Variants in ARHGEF19 observed in about 807,000 individuals in gnomAD.
ARHGEF19 encodes Rho guanine nucleotide exchange factor 19.
ARHGEF19 carries 92 observed loss-of-function variants against 87.6 expected under a neutral mutation model. The ratio of observed to expected loss-of-function variants is 1.05; its 90% CI spans 0.89 to 1.25. ARHGEF19 has a LOEUF of 1.25. Among genes scored for constraint, ARHGEF19 ranks in the 50% most tolerant of loss-of-function variants. ARHGEF19 has a pLI of 0.00. For missense variants in ARHGEF19, 1,054 were observed against 1,051.8 expected (o/e 1.00, Z -0.03); for synonymous variants, 438 against 446.2 (o/e 0.98, Z 0.23).
Position 16,206,983 on chromosome 1 carries a change from C to T in ARHGEF19, c.1102G>A (p.Ala368Thr), listed in dbSNP as rs1464983206. Residue 368 changes from alanine to threonine, a missense_variant, in exon 6 of 16, where the codon GCC (alanine) becomes ACC (threonine). Physicochemically the swap from Ala to Thr is moderately conservative, Grantham distance 58 (BLOSUM62 0). Coordinates refer to ENST00000270747, the MANE Select transcript of ARHGEF19 (RefSeq NM_153213.5). This position sits in a 1 kb window ranked among gnomAD's most constrained non-coding sequence, Gnocchi z 4.6. Reference sequence around the variant, plus strand: ...TTGCAGTCCCGCAGGCTCAGCGTGGCCAGGACGCCGCTGCCGCGTACGTCG... The same window carrying T: ...TTGCAGTCCCGCAGGCTCAGCGTGGTCAGGACGCCGCTGCCGCGTACGTCG... ...IPDVRGSGVL[A>T]TLSLRDCKLQ... 1.3e-6 allele frequency: 2 copies of T among 1,513,844 alleles called. No individual in the cohort carries two copies. Among genetic ancestry groups the T allele is most frequent in the East Asian group, 2.7e-5 (1 of 36,762 alleles). 93.8% of individuals were successfully genotyped at this position (1,513,844 alleles called of 1,614,324 possible). A position where few individuals can be genotyped will look rare whatever the true frequency, so the allele number is the denominator to read the frequency against.
At position 16,206,814 on chromosome 1, in the gene ARHGEF19, C is replaced by T; in HGVS notation, c.1137+134G>A. The T allele has an allele frequency of 8.4e-7, 1 of 1,196,028 alleles. No homozygotes were observed. The highest frequency in any genetic ancestry group is 1.1e-6 in the Non-Finnish European group (1 of 909,338). The allele number at this position is 1,196,028 out of a possible 1,614,324, so 74.1% of individuals were successfully genotyped here. The stretch of plus-strand genomic sequence containing the variant: ...TCGTGTAGTCAGGTCCTAGAGCCAA[C>T]CTTCCGCGCGGACAGTCGCGCCAGC... On this transcript the variant is annotated intron_variant, in intron 6 of 15. Transcript: ENST00000270747. This position sits in a 1 kb window ranked among gnomAD's most constrained non-coding sequence, Gnocchi z 4.6.
At chr1:16,199,478 T>A (rs2081067301) in intron 14 of ARHGEF19, among the ~76,000 whole-genome samples, 1 of 152,072 alleles carries the variant, frequency 6.6e-6, no homozygotes, top group African/African-American at 2.4e-5. Context: ...AAGTGCAGGA[T>A]TAATCCAGTC....
rs1168038897 is a variant in ARHGEF19, at chr1:16,207,789, G to C, written c.695-12C>G. 6.2e-7 allele frequency: 1 copy of C among 1,613,036 alleles called. No homozygotes were observed. Among genetic ancestry groups the C allele is most frequent in the Non-Finnish European group, 8.5e-7 (1 of 1,179,890 alleles). ...TCCAGATGCTTTCCCTGGAGAGGGC[G>C]AGAACTGAGGGTGGGGGGTCCAGAG... On this transcript the variant is annotated splice_polypyrimidine_tract_variant and intron_variant, in intron 3 of 15. Transcript: ENST00000270747. This position sits in a 1 kb window ranked among gnomAD's most constrained non-coding sequence, Gnocchi z 4.0.
rs2081159745 is a variant in ARHGEF19 at position 16,207,842 on chromosome 1, C to T, written c.695-65G>A. ...TGGGCCTGGGGCCTGGGCCCCGGCC[C>T]AGGCACCCTGACGGCCTCAGGCGGC... On this transcript the variant is annotated intron_variant, in intron 3 of 15. Transcript: ENST00000270747. The surrounding 1 kb of genome is among the most constrained non-coding windows in gnomAD (Gnocchi z 4.0). The T allele has an allele frequency of 3.1e-6, 5 of 1,588,324 alleles. No homozygotes were observed. The highest frequency in any genetic ancestry group is 2.3e-4 in the Middle Eastern group (1 of 4,380).
chr1:16,205,218 C>G lies in ARHGEF19; in HGVS notation c.1657-42G>C. 6.3e-7 allele frequency: 1 copy of G among 1,591,124 alleles called. No homozygotes were observed. Among genetic ancestry groups the G allele is most frequent in the Non-Finnish European group, 8.6e-7 (1 of 1,167,508 alleles). On this transcript the variant is annotated intron_variant, in intron 10 of 15. Transcript: ENST00000270747. This position sits in a 1 kb window ranked among gnomAD's most constrained non-coding sequence, Gnocchi z 5.8. ...GAGGTCACCTGCAGCCCCTCAGCTC[C>G]GGCTCCCAGAGCCCAGCCTCAGACT...
chr1:16,205,252 G>A lies in ARHGEF19; in HGVS notation c.1657-76C>T. 3 of 1,599,490 alleles carry A rather than the reference G, an allele frequency of 1.9e-6. No individual in the cohort carries two copies. The highest frequency in any genetic ancestry group is 2.6e-6 in the Non-Finnish European group (3 of 1,170,850). ...GAGCCCAGCCTCAGACTCTTGCCTG[G>A]GGACCGGAGACTCTGACAGCTGGGG... On this transcript the variant is annotated intron_variant, in intron 10 of 15. Transcript: ENST00000270747. The surrounding 1 kb of genome is among the most constrained non-coding windows in gnomAD (Gnocchi z 5.8).
intron 15 of ARHGEF19, 41 bp downstream of exon 15, chr1:16,199,109 C>G: frequency 1.2e-6 from 2 of 1,602,230 alleles, no homozygotes; most frequent in Non-Finnish European, 1.7e-6. Context: ...TCCTGCCCAC[C>G]CAAGCCCCAT....
chr1:16,205,428 G>A lies in ARHGEF19; in HGVS notation c.1582-3C>T. On this transcript the variant is annotated splice_polypyrimidine_tract_variant and splice_region_variant and intron_variant, in intron 9 of 15. Transcript: ENST00000270747. The surrounding 1 kb of genome is among the most constrained non-coding windows in gnomAD (Gnocchi z 5.8). ...TGTGCTGTCCGCTTCAGGATGTTCT[G>A]GAAGGTGGGATCAGCACAATGAGGC... 1 of 1,610,816 alleles carries A rather than the reference G, an allele frequency of 6.2e-7. No individual in the cohort carries two copies.
chr1:16,207,902 C>CCGCCGCGGG lies in ARHGEF19; in HGVS notation c.694+41_694+42insCCCGCGGCG. On this transcript the variant is annotated intron_variant, in intron 3 of 15. Transcript: ENST00000270747. The surrounding 1 kb of genome is among the most constrained non-coding windows in gnomAD (Gnocchi z 4.0). Reference sequence around the variant, plus strand: ...GGCATCGCCCACCCCCACCCCCACCCGGCATCTGGCTGCCCTCAGGGCCCA... The same window carrying CCGCCGCGGG: ...GGCATCGCCCACCCCCACCCCCACCCCGCCGCGGGGGCATCTGGCTGCCCTCAGGGCCCA... 3 of 1,574,810 alleles carry CCGCCGCGGG rather than the reference C, an allele frequency of 1.9e-6. No homozygotes were observed. The highest frequency in any genetic ancestry group is 2.6e-6 in the Non-Finnish European group (3 of 1,159,194).
chr1:16,201,681 C>G, intron 14 of ARHGEF19, 101 bp downstream of exon 14: 3 of 1,317,230 alleles, frequency 2.3e-6, no homozygotes, highest in Non-Finnish European at 3.1e-6. Context: ...GTTGGTCTCT[C>G]TCCCCATAGC....
intron 12 of ARHGEF19, 75 bp from the exon 13 acceptor site, chr1:16,202,649 G>A (rs1169207432): frequency 7.7e-6 from 12 of 1,551,476 alleles, no homozygotes; most frequent in Non-Finnish European, 1.0e-5. Flanking sequence ...GATCAGGTGG[G>A]TTCTGACTGG....
In ARHGEF19 at chr1:16,201,881, A is replaced by C. The variant is rs1227929753; in HGVS notation, c.2067-20T>G. ...TCACTTCTAGGGAAGGGGGAGGCTA[A>C]GTTGTCACAATATGCAAAGTGCAGT... On this transcript the variant is annotated intron_variant, in intron 13 of 15. Transcript: ENST00000270747. 2 of 1,612,010 alleles carry C rather than the reference A, an allele frequency of 1.2e-6. No individual in the cohort carries two copies. The highest frequency in any genetic ancestry group is 2.7e-5 in the African/African-American group (2 of 74,996).
intron 1 of ARHGEF19, 99 bp from the exon 2 acceptor site, chr1:16,209,182 G>A (rs910900337): frequency 8.8e-5 from 70 of 793,248 alleles, no homozygotes; most frequent in Non-Finnish European, 1.1e-4. Flanking sequence ...GTACACTTGT[G>A]TACACACATC....
Position 16,198,896 on chromosome 1 carries a change from T to C in ARHGEF19, c.2252-152A>G. On this transcript the variant is annotated intron_variant, in intron 15 of 15. Transcript: ENST00000270747. This position sits in a 1 kb window ranked among gnomAD's most constrained non-coding sequence, Gnocchi z 4.1. The stretch of plus-strand genomic sequence containing the variant: ...TCTCTCAGCTCCAGGAAGGACCCTG[T>C]CTTGAGCTGTCTTGCAGATGAACTT... The C allele has an allele frequency of 9.5e-7, 1 of 1,049,572 alleles. No homozygotes were observed. Among genetic ancestry groups the C allele is most frequent in the Non-Finnish European group, 1.4e-6 (1 of 736,850 alleles). 65.0% of individuals were successfully genotyped at this position (1,049,572 alleles called of 1,614,324 possible).
At chr1:16,208,322 G>C in intron 2 of ARHGEF19, 97 bp from the exon 3 acceptor site, 1 of 1,416,632 alleles carries the variant, frequency 7.1e-7, no homozygotes, top group Admixed American at 2.4e-5. Flanking sequence ...GGAGGTTCAG[G>C]CACCATGCCC....
chr1:16,205,699 G>A lies in ARHGEF19; in HGVS notation c.1452-32C>T, dbSNP rs370518817. On this transcript the variant is annotated intron_variant, in intron 8 of 15. Coordinates refer to ENST00000270747, the MANE Select transcript of ARHGEF19 (RefSeq NM_153213.5). This position sits in a 1 kb window ranked among gnomAD's most constrained non-coding sequence, Gnocchi z 5.8. ...AATGGGGAGGACTCTGGAATCACAG[G>A]TAGGCCTGAATTCCTGGGATCCACA... 1.0e-5 allele frequency: 16 copies of A among 1,580,218 alleles called. No individual in the cohort carries two copies. The highest frequency in any genetic ancestry group is 1.9e-5 in the Admixed American group (1 of 52,122).
chr1:16,202,407 C>A lies in ARHGEF19; in HGVS notation c.2066+9G>T. On this transcript the variant is annotated intron_variant, in intron 13 of 15. Transcript: ENST00000270747. Reference sequence around the variant, plus strand: ...GAGCCTCCTCTCTCCCATATCCAGGCCCACTCACTCCGTCCGGGCCCGCAG... The same window carrying A: ...GAGCCTCCTCTCTCCCATATCCAGGACCACTCACTCCGTCCGGGCCCGCAG... 6.2e-7 allele frequency: 1 copy of A among 1,605,560 alleles called. No individual in the cohort carries two copies. The highest frequency in any genetic ancestry group is 8.5e-7 in the Non-Finnish European group (1 of 1,176,100).
chr1:16,202,858 T>C (rs1477423598), intron 12 of ARHGEF19, among the ~76,000 whole-genome samples: 3 of 151,802 alleles, frequency 2.0e-5, no homozygotes, highest in Non-Finnish European at 2.9e-5. Flanking sequence ...TGTTTTTTTA[T>C]TTGTTAGTTT....
At chr1:16,201,675 G>C (rs1424794983) in intron 14 of ARHGEF19, 107 bp downstream of exon 14, 3 of 1,237,020 alleles carry the variant, frequency 2.4e-6, no homozygotes, top group East Asian at 5.3e-5. Context: ...CCAGAAGTTG[G>C]TCTCTCTCCC....
Sources: allele counts gnomAD v4.1 joint callset (sites outside exome capture counted in the v4.1 genomes callset), GRCh38; gene constraint gnomAD v4.1.1; non-coding constraint Gnocchi (gnomAD v3.1); transcripts MANE v1.5; gene names NCBI Gene and HGNC (gene_info 2026-07-23, HGNC 2026-07-21).